The following SEMA4A variants were observed in gnomAD, a reference collection of about 807,000 sequenced individuals.
The protein encoded by SEMA4A is semaphorin 4A.
A neutral mutation model predicts 72.5 loss-of-function variants in SEMA4A; 52 were observed. The observed-to-expected ratio is 0.72, with a 90% CI of 0.57 to 0.90. The LOEUF is 0.90. SEMA4A is among the 40% of genes least tolerant of loss of function. SEMA4A has a pLI of 0.00. For synonymous variants in SEMA4A, 369 were observed against 393.1 expected (o/e 0.94, Z 0.73); for missense variants, 926 against 959.7 (o/e 0.96, Z 0.46).
At chr1:156,150,754 C>T (rs1336401098), upstream of SEMA4A, among the ~76,000 whole-genome samples, 1 of 152,156 alleles carries the variant, frequency 6.6e-6, no homozygotes, top group African/African-American at 2.4e-5. Flanking sequence ...CACATCTAGA[C>T]CTTTCCTCTG....
intron 2 of SEMA4A, chr1:156,155,100 T>C (rs957258476): frequency 1.8e-5 from 5 of 274,798 alleles, no homozygotes; most frequent in Admixed American, 5.0e-5. Flanking sequence ...GAAGACCATA[T>C]GTGGACCCGG....
At chr1:156,171,475 C>T (rs566927760) in intron 10 of SEMA4A, among the ~76,000 whole-genome samples, 2 of 152,362 alleles carry the variant, frequency 1.3e-5, no homozygotes, top group African/African-American at 4.8e-5. Context: ...CTTTCTGTGA[C>T]ATCCATTCAG....
Position 156,158,835 on chromosome 1 carries a change from G to C in SEMA4A, c.568+11G>C. The C allele has an allele frequency of 6.3e-7, 1 of 1,595,850 alleles. No homozygotes were observed. The highest frequency in any genetic ancestry group is 1.1e-5 in the South Asian group (1 of 90,698). The stretch of plus-strand genomic sequence containing the variant: ...CGGCTGTCTTGGTGGGTGAGTATCA[G>C]GTTTCCCACTTCATCCCAACATCTA... On this transcript the variant is annotated intron_variant, in intron 6 of 14. Coordinates refer to ENST00000368285, the MANE Select transcript of SEMA4A (RefSeq NM_022367.4).
chr1:156,152,525 G>A (rs186148277), upstream of SEMA4A, among the ~76,000 whole-genome samples: 19 of 152,320 alleles, frequency 1.2e-4, no homozygotes, highest in East Asian at 3.5e-3. Flanking sequence ...TTGATTCTAA[G>A]AAACTGGAAG....
chr1:156,175,078 T>G lies in SEMA4A; in HGVS notation c.1435-8T>G. 1 of 1,614,162 alleles carries G rather than the reference T, an allele frequency of 6.2e-7. No individual in the cohort carries two copies. On this transcript the variant is annotated splice_polypyrimidine_tract_variant and splice_region_variant and intron_variant, in intron 12 of 14. Coordinates refer to ENST00000368285, the MANE Select transcript of SEMA4A (RefSeq NM_022367.4). ...GGGGCTCCCTGACAATCTCCATCTC[T>G]CTTCCAGGGTGCAGTGTTTGTAGGC...
At chr1:156,173,063 G>C in intron 11 of SEMA4A, 57 bp downstream of exon 11, 1 of 1,536,302 alleles carries the variant, frequency 6.5e-7, no homozygotes, top group Non-Finnish European at 8.9e-7. Context: ...ATGCCCCCAG[G>C]TTGAGGAGGG....
intron 10 of SEMA4A, among the ~76,000 whole-genome samples, chr1:156,163,720 CAAAAAAAAAAAA>C (rs34408918): frequency 1.4e-3 from 24 of 17,752 alleles, no homozygotes; most frequent in African/African-American, 2.2e-3. Flanking sequence ...GACTCAGTCT[CAAAAAAAAAAAA>C]AAAAAAAAAA....
intron 10 of SEMA4A, among the ~76,000 whole-genome samples, chr1:156,172,304 C>T (rs762418897): frequency 5.9e-5 from 9 of 151,804 alleles, no homozygotes; most frequent in African/African-American, 1.7e-4. Context: ...TTAGTGGAGA[C>T]GGGGTTTCAC....
chr1:156,171,162 G>A (rs1459821638), intron 10 of SEMA4A, among the ~76,000 whole-genome samples: 2 of 152,218 alleles, frequency 1.3e-5, no homozygotes, highest in African/African-American at 4.8e-5. Flanking sequence ...CTATTTTGCA[G>A]ATGAGGTTGA....
At chr1:156,158,347 A>G (rs1653244417) in intron 4 of SEMA4A, 41 bp from the exon 5 acceptor site, 1 of 1,522,470 alleles carries the variant, frequency 6.6e-7, no homozygotes, top group Non-Finnish European at 9.1e-7. Flanking sequence ...CAGCAATTTG[A>G]GTCAGGTGGC....
Position 156,157,768 on chromosome 1 carries a change from G to GT in SEMA4A, c.301-301dup, listed in dbSNP as rs1208364918. Among the ~76,000 whole-genome samples the GT allele has an allele frequency of 2.0e-5, 3 of 152,184 alleles. No individual in the cohort carries two copies. The highest frequency in any genetic ancestry group is 2.9e-5 in the Non-Finnish European group (2 of 68,042). On this transcript the variant is annotated intron_variant, in intron 3 of 14. Coordinates refer to ENST00000368285, the MANE Select transcript of SEMA4A (RefSeq NM_022367.4). The surrounding 1 kb of genome is among the most constrained non-coding windows in gnomAD (Gnocchi z 4.5). ...GGTGTTTTGTATATGCCACCTGGTTGTATCTGCCAGTAGCCTATGAAATTG... is the reference window on the plus strand; with the variant it reads ...GGTGTTTTGTATATGCCACCTGGTTGTTATCTGCCAGTAGCCTATGAAATTG...
intron 3 of SEMA4A, 105 bp downstream of exon 3, chr1:156,156,679 G>GA: frequency 1.9e-6 from 2 of 1,043,220 alleles, no homozygotes; most frequent in Non-Finnish European, 2.9e-6. Flanking sequence ...GCTGTTATCT[G>GA]TAATCAGCAG....
chr1:156,174,076 C>T (rs1306394867), intron 11 of SEMA4A, among the ~76,000 whole-genome samples: 1 of 151,986 alleles, frequency 6.6e-6, no homozygotes, highest in Non-Finnish European at 1.5e-5. Flanking sequence ...GTGCCACTGC[C>T]CTCCAGCCTG....
chr1:156,160,862 T>C (rs747860157), intron 7 of SEMA4A, 43 bp from the exon 8 acceptor site: 6 of 1,612,460 alleles, frequency 3.7e-6, no homozygotes, highest in Non-Finnish European at 3.4e-6. Context: ...ACCCAGGGCA[T>C]GCAGGGGCTC....
chr1:156,161,593 G>A, intron 9 of SEMA4A, 75 bp downstream of exon 9: 4 of 1,545,012 alleles, frequency 2.6e-6, no homozygotes, highest in Non-Finnish European at 3.6e-6. Context: ...GTGAGCGGAG[G>A]CAGGAATTGA....
chr1:156,156,745 CTTTT>C (rs3055907), intron 3 of SEMA4A, among the ~76,000 whole-genome samples, 171 bp downstream of exon 3: 3 of 141,104 alleles, frequency 2.1e-5, no homozygotes, highest in Admixed American at 7.1e-5. Context: ...CGTGGCCTCA[CTTTT>C]TTTTTTTTTT....
chr1:156,156,032 G>A (rs1265510058), intron 2 of SEMA4A: 2 of 347,028 alleles, frequency 5.8e-6, no homozygotes, highest in African/African-American at 4.3e-5. Context: ...TCTGCATATA[G>A]CTTTGCTGCT....
upstream of SEMA4A, among the ~76,000 whole-genome samples, chr1:156,152,896 T>C (rs1156879752): frequency 6.6e-6 from 1 of 152,148 alleles, no homozygotes; most frequent in Non-Finnish European, 1.5e-5. Context: ...CCTACCCACT[T>C]TGTAGGCCAC....
chr1:156,166,339 G>A (rs900443163), intron 10 of SEMA4A, among the ~76,000 whole-genome samples: 6 of 152,056 alleles, frequency 3.9e-5, no homozygotes, highest in Non-Finnish European at 7.4e-5. Context: ...CACTGTGCCC[G>A]GCCCTATCTT....
Sources: gnomAD v4.1 joint callset for allele counts (sites outside exome capture counted in the v4.1 genomes callset) on GRCh38, gnomAD v4.1.1 for gene constraint, Gnocchi (gnomAD v3.1) non-coding constraint, MANE v1.5 for transcripts, NCBI Gene and HGNC (gene_info 2026-07-23, HGNC 2026-07-21) for gene names.